The following PSMG2 variants were observed in gnomAD, a reference collection of about 807,000 sequenced individuals.
PSMG2 encodes CD40 ligand-activated specific transcript 3.
In PSMG2, 21 loss-of-function variants were observed where a neutral mutation model predicts 31.5. That is an observed-to-expected ratio of 0.67 (90% CI 0.47 to 0.96). The LOEUF (loss-of-function observed/expected upper bound fraction) is 0.96, where lower values mean the gene tolerates loss of function less well. Ranked by LOEUF, PSMG2 falls within the 40% of genes least tolerant of loss-of-function variation. PSMG2 has a pLI of 0.00. For missense variants in PSMG2, 318 were observed against 321.2 expected, an observed-to-expected ratio of 0.99 and a Z score of 0.08; for synonymous variants, 120 against 110.4, an observed-to-expected ratio of 1.09 and a Z score of -0.54.
chr18:12,676,251 T>C (rs1181129838), intron 1 of PSMG2, among the ~76,000 whole-genome samples: 1 of 151,806 alleles, frequency 6.6e-6, no homozygotes, highest in Non-Finnish European at 1.5e-5. Flanking sequence ...ATCACAGCTT[T>C]GTTTTCTTTT....
intron 1 of PSMG2, among the ~76,000 whole-genome samples, chr18:12,688,705 T>G (rs1568023467): frequency 1.3e-5 from 2 of 152,244 alleles, no homozygotes; most frequent in Non-Finnish European, 1.5e-5. Context: ...ATTTAAATTT[T>G]AATTAAAATT....
At chr18:12,702,130 G>GA (rs1437744087), upstream of PSMG2, among the ~76,000 whole-genome samples, 8 of 151,810 alleles carry the variant, frequency 5.3e-5, no homozygotes, top group East Asian at 1.9e-4. Context: ...TCTCAAGAAA[G>GA]AAAAAAAACC....
Position 12,725,586 on chromosome 18 carries a change from T to A in PSMG2, c.*55T>A. On this transcript the variant is annotated 3_prime_UTR_variant, in exon 7 of 7. Transcript: ENST00000317615. ...AAACACTTACTACCAACACAGCTGT[T>A]AAACATTCTATACAAAAAAATTGTA... is the stretch of plus-strand genomic sequence containing the variant. The A allele has an allele frequency of 7.6e-7, 1 of 1,321,146 alleles. No homozygotes were observed. The highest frequency in any genetic ancestry group is 1.1e-6 in the Non-Finnish European group (1 of 938,520). 81.8% of individuals were successfully genotyped at this position (1,321,146 alleles called of 1,614,324 possible). A position where few individuals can be genotyped will look rare whatever the true frequency, so the allele number is the denominator to read the frequency against.
At chr18:12,664,910 G>T (rs1347834547) in intron 1 of PSMG2, among the ~76,000 whole-genome samples, 1 of 151,988 alleles carries the variant, frequency 6.6e-6, no homozygotes, top group African/African-American at 2.4e-5. Flanking sequence ...CTTTGGCCAG[G>T]CTGGTCTCAA....
intron 1 of PSMG2, among the ~76,000 whole-genome samples, chr18:12,682,162 CTTTT>C (rs754403028): frequency 4.7e-5 from 7 of 149,566 alleles, no homozygotes; most frequent in African/African-American, 1.7e-4. Flanking sequence ...GAAGAAATTT[CTTTT>C]TTTTTTCCTC....
chr18:12,698,273 G>C (rs1279427273), upstream of PSMG2, among the ~76,000 whole-genome samples: 1 of 151,784 alleles, frequency 6.6e-6, no homozygotes, highest in East Asian at 1.9e-4. Context: ...CTGTTGCCCA[G>C]GCTGGAGTGC....
intron 1 of PSMG2, chr18:12,678,073 G>C (rs758422946): frequency 1.3e-6 from 2 of 1,516,620 alleles, no homozygotes; most frequent in Non-Finnish European, 1.8e-6. Flanking sequence ...TAAATGAAAA[G>C]AAGTATGAAA....
intron 1 of PSMG2, among the ~76,000 whole-genome samples, chr18:12,662,846 T>C (rs1407889245): frequency 2.0e-5 from 3 of 152,200 alleles, no homozygotes; most frequent in Non-Finnish European, 4.4e-5. Flanking sequence ...CAATAGTGTA[T>C]CAATGGGTTC....
At chr18:12,661,298 G>A (rs778247405) in intron 1 of PSMG2, 56 of 856,008 alleles carry the variant, frequency 6.5e-5, no homozygotes, top group Non-Finnish European at 7.6e-5. Flanking sequence ...ACAAGAGTGA[G>A]CCTTCATCTC....
At chr18:12,688,822 A>T (rs1440911308) in intron 1 of PSMG2, among the ~76,000 whole-genome samples, 1 of 152,152 alleles carries the variant, frequency 6.6e-6, no homozygotes, top group Non-Finnish European at 1.5e-5. Flanking sequence ...CCATCATTGC[A>T]AAAAGTTCTT....
chr18:12,704,178 G>C (rs1217677758), intron 1 of PSMG2, among the ~76,000 whole-genome samples: 2 of 152,178 alleles, frequency 1.3e-5, no homozygotes, highest in Non-Finnish European at 2.9e-5. Flanking sequence ...GTTAATGATG[G>C]TCACCTGGAC....
intron 1 of PSMG2, chr18:12,680,944 A>T: frequency 1.1e-6 from 1 of 951,638 alleles, no homozygotes; most frequent in Non-Finnish European, 1.5e-6. Context: ...CACGCCTGTA[A>T]TCCCAACACT....
At chr18:12,714,158 C>T (rs2040356088) in intron 3 of PSMG2, among the ~76,000 whole-genome samples, 1 of 152,194 alleles carries the variant, frequency 6.6e-6, no homozygotes, top group African/African-American at 2.4e-5. Flanking sequence ...ATACAGTAGC[C>T]ACTAGCTACA....
intron 1 of PSMG2, among the ~76,000 whole-genome samples, chr18:12,682,804 TAG>T (rs748807419): frequency 2.6e-5 from 4 of 151,504 alleles, no homozygotes; most frequent in African/African-American, 9.7e-5. Flanking sequence ...GTATTTTTAG[TAG>T]AGAGAGAGTT....
chr18:12,718,208 C>T (rs1239594012), intron 3 of PSMG2, among the ~76,000 whole-genome samples: 3 of 151,748 alleles, frequency 2.0e-5, no homozygotes, highest in Admixed American at 1.3e-4. Context: ...GGGGTTTTAC[C>T]ATGTTGGCCA....
chr18:12,669,675 C>T (rs2038890553), intron 1 of PSMG2, among the ~76,000 whole-genome samples: 1 of 152,100 alleles, frequency 6.6e-6, no homozygotes, highest in South Asian at 2.1e-4. Context: ...ACTTTTATGA[C>T]AGCTAAATAT....
At chr18:12,702,669 A>G (rs1215234710), upstream of PSMG2, 1 of 1,143,734 alleles carries the variant, frequency 8.7e-7, no homozygotes, top group African/African-American at 1.6e-5. Flanking sequence ...CCGTTCGCCT[A>G]GCGCAGCTCC....
chr18:12,694,033 A>G (rs962424286), intron 1 of PSMG2, among the ~76,000 whole-genome samples: 3 of 152,054 alleles, frequency 2.0e-5, no homozygotes, highest in Non-Finnish European at 2.9e-5. Flanking sequence ...GGGTCTCACT[A>G]TGTTGCCCAA....
At chr18:12,665,968 A>T (rs1027640710) in intron 1 of PSMG2, among the ~76,000 whole-genome samples, 5 of 152,234 alleles carry the variant, frequency 3.3e-5, no homozygotes, top group Non-Finnish European at 7.4e-5. Flanking sequence ...GTGCTGGGAT[A>T]ACAGTCGTGA....
Sources: gnomAD v4.1 joint callset for allele counts (sites outside exome capture counted in the v4.1 genomes callset) on GRCh38, gnomAD v4.1.1 for gene constraint, MANE v1.5 for transcripts, NCBI Gene and HGNC (gene_info 2026-07-23, HGNC 2026-07-21) for gene names.